BMX: variants seen among roughly 807,000 people sequenced by gnomAD.
BMX encodes cytoplasmic tyrosine-protein kinase BMX.
BMX carries 31 observed loss-of-function variants against 59.2 expected under a neutral mutation model. That is an observed-to-expected ratio of 0.52 (90% CI 0.39 to 0.71). BMX has a LOEUF of 0.71. BMX is among the 30% of genes least tolerant of loss of function. BMX has a pLI of 0.00. For missense variants in BMX, 474 were observed against 491.7 expected (o/e 0.96, Z 0.34); for synonymous variants, 185 against 181.0 (o/e 1.02, Z -0.18).
At chrX:15,538,321 G>T (rs1925479297) in intron 14 of BMX, among the ~76,000 whole-genome samples, 2 of 110,766 alleles carry the variant, frequency 1.8e-5, no homozygotes, top group Non-Finnish European at 3.8e-5. Flanking sequence ...AGGTCTGGGA[G>T]GTTTTAGCAC....
chrX:15,523,589 C>T (rs1602339560), intron 7 of BMX, among the ~76,000 whole-genome samples: 1 of 111,249 alleles, frequency 9.0e-6, no homozygotes, highest in East Asian at 2.8e-4. Flanking sequence ...TACCTGGTGC[C>T]CAAGGTATGG....
Position 15,522,509 on chromosome X carries a change from G to C in BMX, c.674G>C (p.Gly225Ala), listed in dbSNP as rs1324416054. The C allele has an allele frequency of 8.3e-7, 1 of 1,210,707 alleles. No individual in the cohort carries two copies. The highest frequency in any genetic ancestry group is 1.1e-6 in the Non-Finnish European group (1 of 895,325). ...GACAGCAACTCAAAGAAAATCTATG[G>C]CTCCCAGCCAAACTTCAACATGCAG... ...QYDSNSKKIY[G>A]SQPNFNMQYI... Residue 225 changes from glycine to alanine, a missense_variant, in exon 7 of 19, where the codon GGC becomes GCC. Physicochemically the swap from Gly to Ala is moderately conservative, Grantham distance 60 (BLOSUM62 0). Coordinates refer to ENST00000348343, the MANE Select transcript of BMX (RefSeq NM_203281.3).
chrX:15,552,220 C>A (rs1356350623), intron 18 of BMX, among the ~76,000 whole-genome samples: 1 of 112,275 alleles, frequency 8.9e-6, no homozygotes, highest in Non-Finnish European at 1.9e-5. Context: ...GTATCAGGTA[C>A]TACATAGCTC....
intron 5 of BMX, 40 bp from the exon 6 acceptor site, chrX:15,517,889 T>C (rs1232705765): frequency 3.6e-6 from 4 of 1,122,801 alleles, no homozygotes; most frequent in African/African-American, 3.6e-5. Flanking sequence ...CTTTGTTTTG[T>C]TTAAAGTTCC....
chrX:15,534,600 G>A (rs1461447379), intron 12 of BMX, among the ~76,000 whole-genome samples: 1 of 110,944 alleles, frequency 9.0e-6, no homozygotes, highest in Non-Finnish European at 1.9e-5. Flanking sequence ...AATATTCGTA[G>A]GGTTTTTCTG....
chrX:15,522,545 G>T lies in BMX; in HGVS notation c.710G>T (p.Arg237Met). 1.7e-6 allele frequency: 2 copies of T among 1,211,966 alleles called. No homozygotes were observed. The highest frequency in any genetic ancestry group is 2.2e-6 in the Non-Finnish European group (2 of 895,496). Residue 237 changes from arginine (R) to methionine (M), a missense_variant, in exon 7 of 19, where the codon AGG (arginine) becomes ATG (methionine). Physicochemically the swap from Arg to Met is moderately conservative, Grantham distance 91 (BLOSUM62 -1). Coordinates refer to ENST00000348343, the MANE Select transcript of BMX (RefSeq NM_203281.3). ...AACTTCAACATGCAGTATATTCCAA[G>T]GGAAGACTTCCCTGACTGGTGGCAA... ...QPNFNMQYIPREDFPDWWQVR... is the reference protein window; with the variant it reads ...QPNFNMQYIPMEDFPDWWQVR...
chrX:15,510,240 A>T (rs377106084), intron 3 of BMX, among the ~76,000 whole-genome samples: 1 of 111,717 alleles, frequency 9.0e-6, no homozygotes, highest in Non-Finnish European at 1.9e-5. Flanking sequence ...TTCTTATAGC[A>T]TAAAATCTTA....
intron 6 of BMX, among the ~76,000 whole-genome samples, chrX:15,519,042 C>T (rs1009378605): frequency 8.9e-6 from 1 of 111,799 alleles, no homozygotes; most frequent in Non-Finnish European, 1.9e-5. Context: ...AGCTCTCTCT[C>T]GAAGTACAGG....
Position 15,533,543 on chromosome X carries a change from T to C in BMX, c.1020-669T>C, listed in dbSNP as rs149746971. 3.9e-3 allele frequency among the ~76,000 whole-genome samples: 435 copies of C among 112,624 alleles called. 2 individuals are homozygous for C. The highest frequency in any genetic ancestry group is 0.013 in the African/African-American group (415 of 31,085). ...AACCATATAGGTAGCTAGCAAGTGA[T>C]AGAACTAAACTCAAAGCCTGGTTCT... On this transcript the variant is annotated intron_variant, in intron 11 of 18. Coordinates refer to ENST00000348343, the MANE Select transcript of BMX (RefSeq NM_203281.3).
rs181604953 is a variant in BMX, at chrX:15,515,567, A to C, written c.326-545A>C. ...TACATATGTACAGAGAGAAAGAGAT[A>C]CAGCAGATGTGGCAATCAGTTAATA... On this transcript the variant is annotated intron_variant, in intron 4 of 18. Coordinates refer to ENST00000348343, the MANE Select transcript of BMX (RefSeq NM_203281.3). Among the ~76,000 whole-genome samples, 727 of 111,952 alleles carry C rather than the reference A, an allele frequency of 6.5e-3. 5 individuals are homozygous for C. Among genetic ancestry groups the C allele is most frequent in the Non-Finnish European group, 0.011 (608 of 53,111 alleles).
intron 9 of BMX, among the ~76,000 whole-genome samples, chrX:15,528,559 G>T (rs949338374): frequency 4.5e-5 from 5 of 110,955 alleles, no homozygotes; most frequent in Non-Finnish European, 9.4e-5. Context: ...TTGGGAGGCT[G>T]AGGTGGGAGG....
At chrX:15,531,851 A>G (rs1189986959) in intron 11 of BMX, among the ~76,000 whole-genome samples, 1 of 111,893 alleles carries the variant, frequency 8.9e-6, no homozygotes, top group African/African-American at 3.3e-5. Context: ...CTGGGTGCAG[A>G]GTTAGCAGAA....
At chrX:15,510,137 T>C (rs1602325531) in intron 3 of BMX, among the ~76,000 whole-genome samples, 1 of 111,632 alleles carries the variant, frequency 9.0e-6, no homozygotes, top group Non-Finnish European at 1.9e-5. Flanking sequence ...GGAGTTTTCA[T>C]TTTACCCTGA....
chrX:15,531,162 A>G (rs776059526), intron 10 of BMX, among the ~76,000 whole-genome samples, 166 bp from the exon 11 acceptor site: 7 of 111,403 alleles, frequency 6.3e-5, no homozygotes, highest in African/African-American at 2.3e-4. Flanking sequence ...ACACATACAC[A>G]TACACATAGA....
Position 15,536,341 on chromosome X carries a change from A to C in BMX, c.1148-12A>C. 8.3e-7 allele frequency: 1 copy of C among 1,206,307 alleles called. No homozygotes were observed. The highest frequency in any genetic ancestry group is 1.1e-6 in the Non-Finnish European group (1 of 891,788). ...ATAATGATGTGATGATATGATGCTG[A>C]TTCCATTGCAGGCATGATCACACGG... On this transcript the variant is annotated splice_polypyrimidine_tract_variant and intron_variant, in intron 12 of 18. Transcript: ENST00000348343.
chrX:15,540,942 C>T (rs1332827434), intron 14 of BMX, among the ~76,000 whole-genome samples: 1 of 109,991 alleles, frequency 9.1e-6, no homozygotes, highest in East Asian at 2.8e-4. Flanking sequence ...GAGAGTAAAG[C>T]AGCAGTTCGG....
intron 16 of BMX, among the ~76,000 whole-genome samples, chrX:15,544,624 G>A (rs1233054326): frequency 9.0e-6 from 1 of 111,458 alleles, no homozygotes; most frequent in African/African-American, 3.3e-5. Context: ...AAGAGATCCT[G>A]GAAGCCATGT....
chrX:15,549,698 G>T, intron 17 of BMX, 142 bp from the exon 18 acceptor site: 1 of 659,576 alleles, frequency 1.5e-6, no homozygotes, highest in African/African-American at 2.2e-5. Flanking sequence ...TGCTCATTTC[G>T]CTGGGACTCA....
intron 4 of BMX, among the ~76,000 whole-genome samples, chrX:15,515,231 A>G (rs1056423463): frequency 2.7e-5 from 3 of 109,918 alleles, no homozygotes; most frequent in Admixed American, 2.0e-4. Context: ...TGATGGGTTG[A>G]TGGGTGCAGC....
Sources: allele counts gnomAD v4.1 joint callset (sites outside exome capture counted in the v4.1 genomes callset), GRCh38; gene constraint gnomAD v4.1.1; transcripts MANE v1.5; gene names NCBI Gene and HGNC (gene_info 2026-07-23, HGNC 2026-07-21).